Variants in CACNA2D3 observed in about 807,000 individuals in gnomAD.
CACNA2D3 encodes calcium voltage-gated channel auxiliary subunit alpha2delta 3, also known as voltage-dependent calcium channel subunit alpha-2/delta-3.
Under a neutral mutation model 160.6 loss-of-function variants are expected in CACNA2D3, and 60 were observed. That is an observed-to-expected ratio of 0.37 (90% CI 0.30 to 0.46). The LOEUF (loss-of-function observed/expected upper bound fraction) is 0.46, where lower values mean the gene tolerates loss of function less well. Ranked by LOEUF, CACNA2D3 falls within the 20% of genes least tolerant of loss-of-function variation. The probability of loss-of-function intolerance (pLI) is 1.00; values close to 1 mark genes in which losing one functional copy is unlikely to be tolerated. For synonymous variants in CACNA2D3, 558 were observed against 492.9 expected (o/e 1.13, Z -1.75); for missense variants, 1,205 against 1,365.0 (o/e 0.88, Z 1.85).
chr3:55,009,136 C>T (rs1183717406), intron 33 of CACNA2D3, among the ~76,000 whole-genome samples: 1 of 152,100 alleles, frequency 6.6e-6, no homozygotes, highest in Non-Finnish European at 1.5e-5. Flanking sequence ...GTATTTCAGC[C>T]TATACAGCAG....
At chr3:54,144,639 G>T (rs920136253) in intron 2 of CACNA2D3, among the ~76,000 whole-genome samples, 2 of 152,248 alleles carry the variant, frequency 1.3e-5, no homozygotes, top group African/African-American at 4.8e-5. Context: ...AGGCTCTGGG[G>T]CCAGGCATAC....
intron 29 of CACNA2D3, among the ~76,000 whole-genome samples, chr3:54,978,381 G>T (rs1364576719): frequency 1.3e-5 from 2 of 152,174 alleles, no homozygotes; most frequent in Non-Finnish European, 2.9e-5. Flanking sequence ...GCTGATAGGG[G>T]CAATGCCATT....
At chr3:54,504,543 C>T (rs1249049681) in intron 5 of CACNA2D3, among the ~76,000 whole-genome samples, 1 of 152,150 alleles carries the variant, frequency 6.6e-6, no homozygotes, top group Admixed American at 6.6e-5. Flanking sequence ...CTATTGCTAT[C>T]GAGTAGTAGT....
chr3:54,627,301 A>G (rs559757719), intron 9 of CACNA2D3, among the ~76,000 whole-genome samples: 3 of 152,286 alleles, frequency 2.0e-5, no homozygotes, highest in Admixed American at 2.0e-4. Context: ...CTAGTCTTAG[A>G]GGCTGGTGCT....
At chr3:55,032,403 C>T (rs1703705186) in intron 35 of CACNA2D3, among the ~76,000 whole-genome samples, 1 of 152,186 alleles carries the variant, frequency 6.6e-6, no homozygotes, top group Non-Finnish European at 1.5e-5. Context: ...TCCAGTTTGA[C>T]AGGAGCCATA....
intron 9 of CACNA2D3, among the ~76,000 whole-genome samples, chr3:54,615,872 G>A (rs1698838938): frequency 6.6e-6 from 1 of 152,230 alleles, no homozygotes; most frequent in Admixed American, 6.5e-5. Context: ...CTCTACCTCA[G>A]ATCAGCCAGC....
intron 13 of CACNA2D3, among the ~76,000 whole-genome samples, chr3:54,809,263 C>T (rs1051226026): frequency 1.0e-4 from 15 of 145,476 alleles, no homozygotes; most frequent in African/African-American, 4.0e-4. Flanking sequence ...TTTCTTCCTT[C>T]CTTCCTTTAT....
At chr3:54,411,663 T>C (rs1159311931) in intron 4 of CACNA2D3, among the ~76,000 whole-genome samples, 1 of 152,226 alleles carries the variant, frequency 6.6e-6, no homozygotes, top group Non-Finnish European at 1.5e-5. Context: ...AAAAAATTCA[T>C]GTGATTTGCT....
chr3:54,688,326 C>CT (rs1411413321), intron 11 of CACNA2D3, among the ~76,000 whole-genome samples: 2 of 152,116 alleles, frequency 1.3e-5, no homozygotes, highest in African/African-American at 2.4e-5. Context: ...TTATTTCCTT[C>CT]TTTTTTTCCT....
intron 35 of CACNA2D3, among the ~76,000 whole-genome samples, chr3:55,038,533 G>T (rs527463502): frequency 3.3e-5 from 5 of 152,112 alleles, no homozygotes; most frequent in Non-Finnish European, 7.4e-5. Flanking sequence ...AACGTGAAAT[G>T]TGGTATACGC....
chr3:55,073,879 C>CTGT lies in CACNA2D3; in HGVS notation c.3183+22_3183+24dup, dbSNP rs1704879024. On this transcript the variant is annotated intron_variant, in intron 37 of 37. Coordinates refer to ENST00000474759, the MANE Select transcript of CACNA2D3 (RefSeq NM_018398.3). Reference sequence around the variant, plus strand: ...CCTGAGGTAAGTCTGAGAACTGTTCCTGTTTCCTTTTCCCATCAGAATCAC... The same window carrying CTGT: ...CCTGAGGTAAGTCTGAGAACTGTTCCTGTTGTTTCCTTTTCCCATCAGAATCAC... The CTGT allele has an allele frequency of 6.3e-7, 1 of 1,597,888 alleles. No homozygotes were observed. Among genetic ancestry groups the CTGT allele is most frequent in the South Asian group, 1.1e-5 (1 of 90,328 alleles).
intron 2 of CACNA2D3, among the ~76,000 whole-genome samples, chr3:54,221,189 G>A (rs1286976926): frequency 1.3e-5 from 2 of 152,178 alleles, no homozygotes; most frequent in African/African-American, 4.8e-5. Context: ...TTTGTTGAGT[G>A]CTGAAGATAC....
chr3:54,871,879 GT>G (rs1699544860), intron 18 of CACNA2D3, among the ~76,000 whole-genome samples: 1 of 152,190 alleles, frequency 6.6e-6, no homozygotes, highest in Non-Finnish European at 1.5e-5. Flanking sequence ...GCGGACGCTG[GT>G]CCCCTCTGCA....
intron 27 of CACNA2D3, among the ~76,000 whole-genome samples, chr3:54,906,999 T>G (rs1440360050): frequency 6.6e-6 from 1 of 152,184 alleles, no homozygotes; most frequent in Non-Finnish European, 1.5e-5. Flanking sequence ...CCCAGAGTTT[T>G]GAGAAACTGG....
rs539660406 is a variant in CACNA2D3, at chr3:54,315,620, G to A, written c.205-4822G>A. On this transcript the variant is annotated intron_variant, in intron 2 of 37. Coordinates refer to ENST00000474759, the MANE Select transcript of CACNA2D3 (RefSeq NM_018398.3). ...CCTGCTAGGTTTGAAACCCTCCAAC[G>A]AATTGACCTTCAATGCTGGTTGACC... Among the ~76,000 whole-genome samples, 198 of 152,258 alleles carry A rather than the reference G, an allele frequency of 1.3e-3. 1 individual carries two copies. The highest frequency in any genetic ancestry group is 3.9e-3 in the African/African-American group (164 of 41,556).
At chr3:54,776,198 A>C (rs1168188174) in intron 13 of CACNA2D3, among the ~76,000 whole-genome samples, 2 of 152,236 alleles carry the variant, frequency 1.3e-5, no homozygotes, top group East Asian at 1.9e-4. Flanking sequence ...CAGATCAGCC[A>C]GGGCTATGGA....
intron 2 of CACNA2D3, among the ~76,000 whole-genome samples, chr3:54,148,974 CAAAAAAA>C (rs543235870): frequency 1.5e-4 from 17 of 116,588 alleles, no homozygotes; most frequent in East Asian, 2.5e-4. Flanking sequence ...AAAACTCCAT[CAAAAAAA>C]AAAAAAAAAA....
intron 2 of CACNA2D3, among the ~76,000 whole-genome samples, chr3:54,275,095 C>T (rs7614338): frequency 0.13 from 20,265 of 152,266 alleles, 1,494 homozygotes; most frequent in African/African-American, 0.19. Flanking sequence ...GGACTGCATG[C>T]CGTCTTGGGC....
intron 4 of CACNA2D3, among the ~76,000 whole-genome samples, chr3:54,466,096 G>C (rs1489117148): frequency 2.6e-5 from 4 of 152,140 alleles, no homozygotes; most frequent in Non-Finnish European, 1.5e-5. Context: ...CCACCAGCCA[G>C]GGAAAACTCT....
Sources: gnomAD v4.1 joint callset for allele counts (sites outside exome capture counted in the v4.1 genomes callset) on GRCh38, gnomAD v4.1.1 for gene constraint, MANE v1.5 for transcripts, NCBI Gene and HGNC (gene_info 2026-07-23, HGNC 2026-07-21) for gene names.